Variants in RANBP2 observed in about 807,000 individuals in gnomAD.
RANBP2 encodes RAN binding protein 2.
RANBP2 carries 57 observed loss-of-function variants against 303.6 expected under a neutral mutation model. That is an observed-to-expected ratio of 0.19 (90% CI 0.15 to 0.23). RANBP2 has a LOEUF of 0.23. Among genes scored for constraint, RANBP2 ranks in the 10% least tolerant of loss-of-function variants. RANBP2 has a pLI of 1.00. For missense variants in RANBP2, 3,138 were observed against 3,780.8 expected, an observed-to-expected ratio of 0.83 and a Z score of 4.46; for synonymous variants, 1,167 against 1,301.5, an observed-to-expected ratio of 0.90 and a Z score of 2.23.
the RANBP2 span, among the ~76,000 whole-genome samples, chr2:109,723,294 G>A: frequency 1.1e-4 from 17 of 152,144 alleles, no homozygotes; most frequent in Non-Finnish European, 1.6e-4. Context: ...TGGGACTACA[G>A]GTGTGTGCCA....
intron 1 of RANBP2, among the ~76,000 whole-genome samples, chr2:108,726,503 G>A (rs1199331923): frequency 6.6e-6 from 1 of 151,166 alleles, no homozygotes; most frequent in Non-Finnish European, 1.5e-5. Context: ...GGCTAGAAGC[G>A]GCAGATCAGG....
chr2:109,129,386 G>A, the RANBP2 span: 6 of 1,283,888 alleles, frequency 4.7e-6, no homozygotes, highest in African/African-American at 9.3e-5. Context: ...GAGCCACTTC[G>A]CACCGCCACA....
At chr2:109,548,767 C>T in the RANBP2 span, among the ~76,000 whole-genome samples, 6 of 104,800 alleles carry the variant, frequency 5.7e-5, no homozygotes, top group Admixed American at 7.0e-4. Context: ...CAGAGTTAGG[C>T]TCCATCTCAA....
the RANBP2 span, chr2:109,449,057 A>G: frequency 7.9e-7 from 1 of 1,267,068 alleles, no homozygotes; most frequent in Non-Finnish European, 1.1e-6. Flanking sequence ...AACTTCAGAG[A>G]GAGGCTGTGA....
the RANBP2 span, among the ~76,000 whole-genome samples, chr2:108,974,329 CAAAAAAAAAA>C: frequency 4.9e-5 from 3 of 61,496 alleles, no homozygotes; most frequent in Non-Finnish European, 8.2e-5. Flanking sequence ...GGATCCGTCT[CAAAAAAAAAA>C]AAAAAAAAAA....
the RANBP2 span, among the ~76,000 whole-genome samples, chr2:109,399,514 G>T: frequency 1.3e-5 from 2 of 151,754 alleles, no homozygotes; most frequent in Admixed American, 1.3e-4. Flanking sequence ...AGTGGCTCAT[G>T]CCTGTAATCC....
At chr2:109,449,321 G>A in the RANBP2 span, 2 of 1,606,234 alleles carry the variant, frequency 1.2e-6, no homozygotes, top group Non-Finnish European at 1.7e-6. Context: ...CGGTGCAGAT[G>A]TGCCCACGGC....
the RANBP2 span, among the ~76,000 whole-genome samples, chr2:109,272,676 T>A: frequency 6.6e-6 from 1 of 152,196 alleles, no homozygotes; most frequent in Non-Finnish European, 1.5e-5. Context: ...AGCGCTGAGT[T>A]GTCATGGAGA....
the RANBP2 span, among the ~76,000 whole-genome samples, chr2:109,048,162 T>C: frequency 1.3e-5 from 2 of 152,264 alleles, no homozygotes; most frequent in Non-Finnish European, 2.9e-5. Context: ...CTGTGTGATC[T>C]AATTTTTCTA....
chr2:109,716,417 A>T, the RANBP2 span, among the ~76,000 whole-genome samples: 1 of 151,846 alleles, frequency 6.6e-6, no homozygotes, highest in Non-Finnish European at 1.5e-5. Flanking sequence ...GCACCTGGCT[A>T]ATTTTTGTAT....
chr2:109,356,007 C>T, the RANBP2 span, among the ~76,000 whole-genome samples: 2 of 152,186 alleles, frequency 1.3e-5, no homozygotes, highest in East Asian at 1.9e-4. Flanking sequence ...TTCCAGAACA[C>T]ACCAGATTTA....
At chr2:109,666,734 C>T in the RANBP2 span, among the ~76,000 whole-genome samples, 1 of 152,044 alleles carries the variant, frequency 6.6e-6, no homozygotes, top group South Asian at 2.1e-4. Flanking sequence ...GGTTGACAGT[C>T]AAGATGAAAA....
chr2:109,067,357 C>T, the RANBP2 span, among the ~76,000 whole-genome samples: 9 of 152,334 alleles, frequency 5.9e-5, no homozygotes, highest in East Asian at 1.4e-3. Context: ...CTAAAAACAC[C>T]GTGGGCAGTG....
the RANBP2 span, among the ~76,000 whole-genome samples, chr2:109,061,528 A>G: frequency 6.6e-6 from 1 of 152,188 alleles, no homozygotes; most frequent in African/African-American, 2.4e-5. Flanking sequence ...CAGGGAAAGA[A>G]CAGGGAGACA....
At chr2:108,794,942 G>C in the RANBP2 span, among the ~76,000 whole-genome samples, 1 of 151,996 alleles carries the variant, frequency 6.6e-6, no homozygotes, top group African/African-American at 2.4e-5. Flanking sequence ...GTAGGTGTGT[G>C]TTTCAGACTG....
At chr2:109,149,407 C>T in the RANBP2 span, among the ~76,000 whole-genome samples, 5 of 152,328 alleles carry the variant, frequency 3.3e-5, no homozygotes, top group Non-Finnish European at 5.9e-5. Flanking sequence ...TATTAATATT[C>T]ACATTGACAG....
chr2:109,421,139 C>A, the RANBP2 span, among the ~76,000 whole-genome samples: 4 of 152,196 alleles, frequency 2.6e-5, no homozygotes, highest in African/African-American at 9.7e-5. Flanking sequence ...TGGGGCTGCT[C>A]TTCTTGAAGA....
chr2:109,196,127 G>T, the RANBP2 span, among the ~76,000 whole-genome samples: 1 of 152,222 alleles, frequency 6.6e-6, no homozygotes, highest in African/African-American at 2.4e-5. Flanking sequence ...ACAGAAGCCG[G>T]CAGGCACACG....
the RANBP2 span, among the ~76,000 whole-genome samples, chr2:109,273,624 A>G: frequency 2.0e-5 from 3 of 152,226 alleles, no homozygotes; most frequent in Admixed American, 6.5e-5. Context: ...CTCCTCTGCT[A>G]GAGCTTATGG....
Sources: allele counts gnomAD v4.1 joint callset (sites outside exome capture counted in the v4.1 genomes callset), GRCh38; gene constraint gnomAD v4.1.1; transcripts MANE v1.5; gene names NCBI Gene and HGNC (gene_info 2026-07-23, HGNC 2026-07-21).